MAGI3: variants seen among roughly 807,000 people sequenced by gnomAD.
MAGI3 encodes membrane associated guanylate kinase, WW and PDZ domain containing 3, also known as membrane-associated guanylate kinase, WW and PDZ domain-containing protein 3.
MAGI3 carries 43 observed loss-of-function variants against 121.8 expected under a neutral mutation model. That is an observed-to-expected ratio of 0.35 (90% CI 0.28 to 0.46). The LOEUF (loss-of-function observed/expected upper bound fraction) is 0.46, where lower values mean the gene tolerates loss of function less well. MAGI3 is among the 20% of genes least tolerant of loss of function. MAGI3 has a pLI of 1.00. For missense variants in MAGI3, 1,547 were observed against 1,797.3 expected (o/e 0.86, Z 2.52); for synonymous variants, 553 against 639.3 (o/e 0.86, Z 2.04).
In MAGI3 at chr1:113,567,001, GTTGT is replaced by G. The variant is rs551379937; in HGVS notation, c.434-13538_434-13535del. ...AAGAAAAAAATCAACCAAACCAGGA[GTTGT>G]TTTTTTTTAAAAAGAAAATCACTAA... On this transcript the variant is annotated intron_variant, in intron 2 of 20. Coordinates refer to ENST00000307546, the MANE Select transcript of MAGI3 (RefSeq NM_001142782.2). Among the ~76,000 whole-genome samples the G allele has an allele frequency of 1.8e-3, 270 of 150,510 alleles. 1 individual carries two copies. The highest frequency in any genetic ancestry group is 5.9e-3 in the Admixed American group (89 of 15,138).
At chr1:113,648,115 G>T (rs971218425) in intron 12 of MAGI3, among the ~76,000 whole-genome samples, 2 of 152,062 alleles carry the variant, frequency 1.3e-5, no homozygotes, top group Admixed American at 1.3e-4. Flanking sequence ...TAGAGACGGG[G>T]TTTCACCATG....
At chr1:113,528,931 G>T (rs1658577862) in intron 1 of MAGI3, among the ~76,000 whole-genome samples, 2 of 152,158 alleles carry the variant, frequency 1.3e-5, no homozygotes, top group African/African-American at 2.4e-5. Flanking sequence ...AATATTTTTT[G>T]TTCTCATGTG....
intron 2 of MAGI3, among the ~76,000 whole-genome samples, chr1:113,553,458 C>T (rs1173648627): frequency 6.6e-6 from 1 of 152,150 alleles, no homozygotes; most frequent in Non-Finnish European, 1.5e-5. Context: ...ACCAAAAAAT[C>T]TCTCGGAGTT....
chr1:113,585,714 A>AT (rs377465935), intron 4 of MAGI3, 118 bp downstream of exon 4: 5 of 846,516 alleles, frequency 5.9e-6, no homozygotes, highest in Non-Finnish European at 9.2e-6. Context: ...TGGGATTTTA[A>AT]TTTTTTTGTA....
intron 14 of MAGI3, among the ~76,000 whole-genome samples, chr1:113,651,674 A>G (rs1653176370): frequency 1.3e-5 from 2 of 152,178 alleles, no homozygotes; most frequent in African/African-American, 2.4e-5. Flanking sequence ...TATTTTTAGT[A>G]GAGACGGGGT....
At chr1:113,515,229 G>A (rs1429633131) in intron 1 of MAGI3, among the ~76,000 whole-genome samples, 1 of 151,922 alleles carries the variant, frequency 6.6e-6, no homozygotes, top group African/African-American at 2.4e-5. Context: ...CCATTTTGTT[G>A]TGATAGTTAA....
chr1:113,512,851 T>C (rs1399015671), intron 1 of MAGI3, among the ~76,000 whole-genome samples: 3 of 152,198 alleles, frequency 2.0e-5, no homozygotes, highest in African/African-American at 7.2e-5. Context: ...TGTTTGCAGA[T>C]GACATGATAG....
intron 1 of MAGI3, among the ~76,000 whole-genome samples, chr1:113,438,000 C>T (rs914625714): frequency 4.6e-5 from 7 of 150,772 alleles, no homozygotes; most frequent in Admixed American, 2.0e-4. Flanking sequence ...CTCTATGTTG[C>T]GCAGGCTGGT....
At chr1:113,521,568 G>A (rs1321591099) in intron 1 of MAGI3, among the ~76,000 whole-genome samples, 1 of 151,712 alleles carries the variant, frequency 6.6e-6, no homozygotes, top group Non-Finnish European at 1.5e-5. Flanking sequence ...ACCACGCCCA[G>A]CTAATTTTTG....
chr1:113,433,703 A>G (rs1456722709), intron 1 of MAGI3, among the ~76,000 whole-genome samples: 4 of 152,238 alleles, frequency 2.6e-5, no homozygotes, highest in Admixed American at 6.5e-5. Context: ...ACTCATAGAT[A>G]ATAATAAACC....
intron 1 of MAGI3, among the ~76,000 whole-genome samples, chr1:113,525,219 A>G (rs1424926801): frequency 6.6e-6 from 1 of 152,148 alleles, no homozygotes; most frequent in Non-Finnish European, 1.5e-5. Flanking sequence ...ACAATTTCCC[A>G]ATTGTTCCTA....
At chr1:113,638,666 G>T (rs1652218924) in intron 9 of MAGI3, among the ~76,000 whole-genome samples, 1 of 152,218 alleles carries the variant, frequency 6.6e-6, no homozygotes, top group East Asian at 1.9e-4. Context: ...CAGTTAGGCT[G>T]CTCAGGGGTC....
intron 1 of MAGI3, among the ~76,000 whole-genome samples, chr1:113,535,306 A>G (rs1658919829): frequency 6.6e-6 from 1 of 152,346 alleles, no homozygotes; most frequent in Non-Finnish European, 1.5e-5. Flanking sequence ...GCTTAAAAAA[A>G]AAACCTCTCA....
At chr1:113,586,427 A>G (rs865949891) in intron 4 of MAGI3, among the ~76,000 whole-genome samples, 1 of 152,156 alleles carries the variant, frequency 6.6e-6, no homozygotes, top group Non-Finnish European at 1.5e-5. Flanking sequence ...TTTTTCATCA[A>G]TTATTAAAAT....
chr1:113,490,470 C>T (rs555379635), intron 1 of MAGI3, among the ~76,000 whole-genome samples: 1 of 152,204 alleles, frequency 6.6e-6, no homozygotes, highest in Non-Finnish European at 1.5e-5. Flanking sequence ...AAGGCAACTA[C>T]ATAACAAGTC....
At chr1:113,477,225 C>T (rs1045320834) in intron 1 of MAGI3, among the ~76,000 whole-genome samples, 6 of 152,192 alleles carry the variant, frequency 3.9e-5, no homozygotes, top group East Asian at 1.9e-4. Context: ...AGCCCATTTA[C>T]ATTTAAGGTT....
At chr1:113,585,271 T>C in intron 3 of MAGI3, 116 bp from the exon 4 acceptor site, 1 of 899,730 alleles carries the variant, frequency 1.1e-6, no homozygotes, top group South Asian at 1.7e-5. Context: ...CCCACCCCTA[T>C]GGTAGATATT....
chr1:113,543,617 C>T (rs945690425), intron 1 of MAGI3, among the ~76,000 whole-genome samples: 1 of 152,076 alleles, frequency 6.6e-6, no homozygotes, highest in African/African-American at 2.4e-5. Flanking sequence ...TAATCCCAGC[C>T]AGCACTTTGG....
intron 1 of MAGI3, among the ~76,000 whole-genome samples, chr1:113,468,947 T>C (rs985809701): frequency 6.6e-6 from 1 of 152,154 alleles, no homozygotes; most frequent in Admixed American, 6.6e-5. Context: ...AGATACTTAA[T>C]AGTTGTTGAA....
Sources: allele counts gnomAD v4.1 joint callset (sites outside exome capture counted in the v4.1 genomes callset), GRCh38; gene constraint gnomAD v4.1.1; transcripts MANE v1.5; gene names NCBI Gene and HGNC (gene_info 2026-07-23, HGNC 2026-07-21).